Variants in ZMYM4 observed in about 807,000 individuals in gnomAD.
ZMYM4 encodes the protein zinc finger MYM-type protein 4.
A neutral mutation model predicts 183.2 loss-of-function variants in ZMYM4; 31 were observed. The observed-to-expected ratio is 0.17, with a 90% confidence interval of 0.13 to 0.23. ZMYM4 has a LOEUF of 0.23. Among genes scored for constraint, ZMYM4 ranks in the 10% least tolerant of loss-of-function variants. The probability of loss-of-function intolerance (pLI) is 1.00; values close to 1 mark genes in which losing one functional copy is unlikely to be tolerated. For synonymous variants in ZMYM4, 592 were observed against 631.2 expected (o/e 0.94, Z 0.93); for missense variants, 1,273 against 1,840.3 (o/e 0.69, Z 5.64).
chr1:35,351,456 A>G (rs1485332170), intron 2 of ZMYM4: 8 of 1,572,166 alleles, frequency 5.1e-6, no homozygotes, highest in East Asian at 4.5e-5. Context: ...TCATGCTGCT[A>G]TACGAGAGAA....
chr1:35,383,827 A>G (rs370901360), intron 9 of ZMYM4, among the ~76,000 whole-genome samples: 2 of 152,216 alleles, frequency 1.3e-5, no homozygotes, highest in Non-Finnish European at 2.9e-5. Flanking sequence ...TCTACATTTA[A>G]TTCTAGACCT....
chr1:35,359,189 T>A lies in ZMYM4; in HGVS notation c.350T>A (p.Val117Asp). The A allele has an allele frequency of 6.2e-7, 1 of 1,613,284 alleles. No individual in the cohort carries two copies. The highest frequency in any genetic ancestry group is 8.5e-7 in the Non-Finnish European group (1 of 1,179,546). The change falls in exon 3 of 30, where the codon GTC (valine) becomes GAC (aspartate). Residue 117 changes from valine to aspartate, a missense_variant. Val to Asp is a radical substitution (Grantham distance 152). Coordinates refer to ENST00000314607, the MANE Select transcript of ZMYM4 (RefSeq NM_005095.3). ...GATAGCTTGGAAGTAGAGAGAAGAGTCACACAGCATGAATCAGACAATGAA... is the reference window on the plus strand; with the variant it reads ...GATAGCTTGGAAGTAGAGAGAAGAGACACACAGCATGAATCAGACAATGAA... ...TDDSLEVERR[V>D]TQHESDNENE...
At chr1:35,377,706 C>T (rs1175872386) in intron 7 of ZMYM4, among the ~76,000 whole-genome samples, 1 of 152,146 alleles carries the variant, frequency 6.6e-6, no homozygotes, top group African/African-American at 2.4e-5. Context: ...TGCTAACAAT[C>T]ATGTGAGCCT....
intron 1 of ZMYM4, among the ~76,000 whole-genome samples, chr1:35,313,140 C>G (rs930860427): frequency 6.6e-6 from 1 of 151,992 alleles, no homozygotes; most frequent in African/African-American, 2.4e-5. Flanking sequence ...GTGATCCACC[C>G]GCCTCAGCCT....
At chr1:35,278,114 C>T (rs1487973917) in intron 1 of ZMYM4, among the ~76,000 whole-genome samples, 2 of 152,092 alleles carry the variant, frequency 1.3e-5, no homozygotes, top group East Asian at 1.9e-4. Flanking sequence ...TATTCCTTGA[C>T]TTGTGGCGGC....
At chr1:35,387,350 G>C in intron 12 of ZMYM4, 72 bp downstream of exon 12, 1 of 1,578,772 alleles carries the variant, frequency 6.3e-7, no homozygotes, top group Non-Finnish European at 8.6e-7. Context: ...TTTTAACTTT[G>C]CATCTCTCAA....
chr1:35,398,849 ATCT>A lies in ZMYM4; in HGVS notation c.3254-14_3254-12del. The A allele has an allele frequency of 6.2e-7, 1 of 1,611,018 alleles. No homozygotes were observed. The highest frequency in any genetic ancestry group is 8.5e-7 in the Non-Finnish European group (1 of 1,177,888). Reference sequence around the variant, plus strand: ...ATTTTATTTTGAGGGCTTAATTGTTATCTATATATTTCAGACCAAGGAAGTACA... The same window carrying A: ...ATTTTATTTTGAGGGCTTAATTGTTAATATATTTCAGACCAAGGAAGTACA... On this transcript the variant is annotated splice_polypyrimidine_tract_variant and intron_variant, in intron 21 of 29. Transcript: ENST00000314607.
intron 5 of ZMYM4, among the ~76,000 whole-genome samples, chr1:35,364,883 G>A (rs955018509): frequency 6.6e-6 from 1 of 152,130 alleles, no homozygotes; most frequent in Non-Finnish European, 1.5e-5. Flanking sequence ...GTGTGTGTAT[G>A]TATTTAACTT....
chr1:35,288,127 A>G (rs1480352108), intron 1 of ZMYM4, among the ~76,000 whole-genome samples: 1 of 152,194 alleles, frequency 6.6e-6, no homozygotes, highest in East Asian at 1.9e-4. Flanking sequence ...ATACTACATC[A>G]GGTATGATTT....
intron 26 of ZMYM4, among the ~76,000 whole-genome samples, chr1:35,412,784 T>C (rs1047719412): frequency 6.6e-6 from 1 of 152,152 alleles, no homozygotes; most frequent in African/African-American, 2.4e-5. Context: ...AATAAGTTCA[T>C]AAATTGCCTT....
chr1:35,276,618 T>TC (rs1639891438), intron 1 of ZMYM4, among the ~76,000 whole-genome samples: 1 of 152,176 alleles, frequency 6.6e-6, no homozygotes, highest in Non-Finnish European at 1.5e-5. Flanking sequence ...CCTTTTTTTT[T>TC]CTTTTTGAAA....
chr1:35,354,440 G>T (rs991709781), intron 2 of ZMYM4, among the ~76,000 whole-genome samples: 2 of 152,030 alleles, frequency 1.3e-5, no homozygotes, highest in Non-Finnish European at 2.9e-5. Flanking sequence ...AAGTTGAATT[G>T]TTGGGCTGGG....
intron 1 of ZMYM4, among the ~76,000 whole-genome samples, chr1:35,298,330 G>A (rs1001954622): frequency 6.6e-6 from 1 of 152,102 alleles, no homozygotes; most frequent in African/African-American, 2.4e-5. Flanking sequence ...ATTGCTTGAG[G>A]CCAGGAGATC....
At chr1:35,342,216 G>A (rs1279429497) in intron 2 of ZMYM4, among the ~76,000 whole-genome samples, 2 of 151,908 alleles carry the variant, frequency 1.3e-5, no homozygotes, top group South Asian at 2.1e-4. Context: ...GTGCAGTGGC[G>A]CGACCTCAGC....
intron 1 of ZMYM4, among the ~76,000 whole-genome samples, chr1:35,322,012 G>A: frequency 6.6e-6 from 1 of 151,146 alleles, no homozygotes; most frequent in African/African-American, 2.4e-5. Flanking sequence ...AATATAATAA[G>A]AGACTGTGCA....
chr1:35,273,248 G>T (rs1639706917), intron 1 of ZMYM4, among the ~76,000 whole-genome samples: 1 of 152,100 alleles, frequency 6.6e-6, no homozygotes, highest in South Asian at 2.1e-4. Flanking sequence ...GCCTATACAT[G>T]AAGGCGTTAC....
At chr1:35,289,113 C>T (rs1293850309) in intron 1 of ZMYM4, among the ~76,000 whole-genome samples, 2 of 152,112 alleles carry the variant, frequency 1.3e-5, no homozygotes, top group African/African-American at 4.8e-5. Flanking sequence ...GTGAAGAAAA[C>T]AGGACAGCAT....
intron 27 of ZMYM4, 96 bp downstream of exon 27, chr1:35,414,179 T>C (rs1368636984): frequency 1.3e-6 from 1 of 768,786 alleles, no homozygotes; most frequent in Non-Finnish European, 2.1e-6. Context: ...TTTTTATTTC[T>C]GTCCAGATTT....
chr1:35,272,752 A>G (rs952962703), intron 1 of ZMYM4, among the ~76,000 whole-genome samples: 4 of 152,096 alleles, frequency 2.6e-5, no homozygotes, highest in Non-Finnish European at 4.4e-5. Flanking sequence ...TCTGTCGCCC[A>G]TGCTGGAGTG....
Sources: allele counts gnomAD v4.1 joint callset (sites outside exome capture counted in the v4.1 genomes callset), GRCh38; gene constraint gnomAD v4.1.1; transcripts MANE v1.5; gene names NCBI Gene and HGNC (gene_info 2026-07-23, HGNC 2026-07-21).